The following TRIM27 variants were observed in gnomAD, a reference collection of about 807,000 sequenced individuals.
TRIM27 encodes tripartite motif containing 27, also known as zinc finger protein RFP.
A neutral mutation model predicts 57.6 loss-of-function variants in TRIM27; 12 were observed. The observed-to-expected ratio is 0.21, with a 90% CI of 0.13 to 0.34. The LOEUF (loss-of-function observed/expected upper bound fraction) is 0.34, where lower values mean the gene tolerates loss of function less well. Among genes scored for constraint, TRIM27 ranks in the 10% least tolerant of loss-of-function variants. TRIM27 has a pLI of 1.00. For missense variants in TRIM27, 403 were observed against 656.8 expected (o/e 0.61, Z 4.22); for synonymous variants, 266 against 259.0 (o/e 1.03, Z -0.26).
chr6:28,908,642 G>C, intron 6 of TRIM27, 166 bp downstream of exon 6: 1 of 604,270 alleles, frequency 1.7e-6, no homozygotes, highest in Non-Finnish European at 2.9e-6. Context: ...ATTAGAACAA[G>C]AAGCTGTTAA....
At chr6:28,919,467 A>T (rs967449792) in intron 3 of TRIM27, among the ~76,000 whole-genome samples, 3 of 152,240 alleles carry the variant, frequency 2.0e-5, no homozygotes, top group Non-Finnish European at 4.4e-5. Flanking sequence ...CTGAATGAGC[A>T]AACGACAGAC....
chr6:28,907,900 C>A, intron 6 of TRIM27: 1 of 256,340 alleles, frequency 3.9e-6, no homozygotes, highest in Admixed American at 4.8e-5. Context: ...CTAGATGCCC[C>A]AAAAAGTATA....
In TRIM27 at chr6:28,923,842, G is replaced by C; in HGVS notation, c.-210C>G. On this transcript the variant is annotated 5_prime_UTR_variant, in exon 1 of 8. Transcript: ENST00000377199. ...GCCTGCGCCTGTGCCCCCTAAGCGAGAGCGGGAATACGGCCGGCTCACCGA... is the reference window on the plus strand; with the variant it reads ...GCCTGCGCCTGTGCCCCCTAAGCGACAGCGGGAATACGGCCGGCTCACCGA... The C allele has an allele frequency of 1.8e-6, 1 of 546,140 alleles. No individual in the cohort carries two copies. Among genetic ancestry groups the C allele is most frequent in the Non-Finnish European group, 3.1e-6 (1 of 320,876 alleles). The allele number at this position is 546,140 out of a possible 1,614,324, so 33.8% of individuals were successfully genotyped here.
At position 28,921,932 on chromosome 6, in the gene TRIM27, C is replaced by T; in HGVS notation, c.476G>A (p.Arg159Lys). 6.2e-7 allele frequency: 1 copy of T among 1,613,096 alleles called. No homozygotes were observed. Among genetic ancestry groups the T allele is most frequent in the Non-Finnish European group, 8.5e-7 (1 of 1,180,036 alleles). Residue 159 changes from arginine to lysine, a missense_variant, in exon 2 of 8, where the codon AGA becomes AAA. Coordinates refer to ENST00000377199, the MANE Select transcript of TRIM27 (RefSeq NM_006510.5). ...TGCCTGTTCCCCCTGGGCCCGACGT[C>T]TCTTCTTTAAATCTTTCACTCTTTT... ...HLKRVKDLKK[R>K]RRAQGEQARA...
At chr6:28,912,764 T>G (rs1041785190) in intron 3 of TRIM27, among the ~76,000 whole-genome samples, 1 of 152,226 alleles carries the variant, frequency 6.6e-6, no homozygotes, top group Non-Finnish European at 1.5e-5. Context: ...AATAGTTATA[T>G]CTTCAAAGTA....
chr6:28,904,127 T>C lies in TRIM27; in HGVS notation c.1485A>G (p.Ile495Met), dbSNP rs141782592. The change falls in exon 8 of 8, where the codon ATA (isoleucine) becomes ATG (methionine). Residue 495 changes from isoleucine (I) to methionine (M), a missense_variant. Coordinates refer to ENST00000377199, the MANE Select transcript of TRIM27 (RefSeq NM_006510.5). The surrounding 1 kb of genome is among the most constrained non-coding windows in gnomAD (Gnocchi z 6.1). Reference protein sequence around the residue: ...APLIICPMSGIDGFSGHVGNH... With the variant: ...APLIICPMSGMDGFSGHVGNH... Reference sequence around the variant, plus strand: ...TCCCAACATGGCCAGAAAACCCATCTATCCCACTCATGGGGCAGATGATCA... The same window carrying C: ...TCCCAACATGGCCAGAAAACCCATCCATCCCACTCATGGGGCAGATGATCA... 6.2e-6 allele frequency: 10 copies of C among 1,612,956 alleles called. No individual in the cohort carries two copies. Among genetic ancestry groups the C allele is most frequent in the Non-Finnish European group, 8.5e-6 (10 of 1,180,034 alleles).
intron 1 of TRIM27, among the ~76,000 whole-genome samples, chr6:28,922,465 A>G (rs1255233542): frequency 6.6e-6 from 1 of 152,220 alleles, no homozygotes. Context: ...TGAAAGGTCC[A>G]TAAATGTTAA....
intron 3 of TRIM27, among the ~76,000 whole-genome samples, chr6:28,916,523 G>A (rs1161407746): frequency 6.6e-6 from 1 of 151,324 alleles, no homozygotes; most frequent in Non-Finnish European, 1.5e-5. Flanking sequence ...TTACACTCCA[G>A]CCTGGGCAAC....
chr6:28,904,804 AC>A lies in TRIM27; in HGVS notation c.947-140del. 1.6e-6 allele frequency: 1 copy of A among 624,884 alleles called. No homozygotes were observed. The highest frequency in any genetic ancestry group is 2.7e-6 in the Non-Finnish European group (1 of 369,246). 38.7% of individuals were successfully genotyped at this position (624,884 alleles called of 1,614,324 possible). ...GTATTTTATTTAGAATATATTCTAAACTTCACATTTCAAAAATTACTGCTTG... is the reference window on the plus strand; with the variant it reads ...GTATTTTATTTAGAATATATTCTAAATTCACATTTCAAAAATTACTGCTTG... On this transcript the variant is annotated intron_variant, in intron 7 of 7. Coordinates refer to ENST00000377199, the MANE Select transcript of TRIM27 (RefSeq NM_006510.5). This position sits in a 1 kb window ranked among gnomAD's most constrained non-coding sequence, Gnocchi z 6.1.
Position 28,904,688 on chromosome 6 carries a change from G to C in TRIM27, c.947-23C>G. 3 of 1,572,672 alleles carry C rather than the reference G, an allele frequency of 1.9e-6. No individual in the cohort carries two copies. The highest frequency in any genetic ancestry group is 2.6e-6 in the Non-Finnish European group (3 of 1,162,870). ...CCACTGTAGAGACACAAGGAAGACA[G>C]TCAGCCGTGGGCCAGGAGAGCCTAT... On this transcript the variant is annotated intron_variant, in intron 7 of 7. Transcript: ENST00000377199. This position sits in a 1 kb window ranked among gnomAD's most constrained non-coding sequence, Gnocchi z 6.1.
chr6:28,919,967 A>AT (rs1562177886), intron 3 of TRIM27, 45 bp downstream of exon 3: 1 of 1,564,164 alleles, frequency 6.4e-7, no homozygotes, highest in Admixed American at 1.8e-5. Flanking sequence ...AGAAGGGACG[A>AT]TATTTTCAGT....
intron 7 of TRIM27, chr6:28,906,916 G>C (rs1424801766): frequency 3.6e-6 from 1 of 280,262 alleles, no homozygotes; most frequent in Non-Finnish European, 6.7e-6. Context: ...GTTTGACCCT[G>C]AAGCTGGGCG....
In TRIM27 at chr6:28,923,274, C is replaced by A; in HGVS notation, c.359G>T (p.Arg120Leu). Residue 120 changes from arginine to leucine, a missense_variant, in exon 1 of 8, where the codon CGC becomes CTC. By Grantham distance (102) the Arg-to-Leu change is moderately radical. Transcript: ENST00000377199. ...DQMPICVVCD[R>L]SREHRGHSVL... ...GCTGTGGCCGCGGTGCTCGCGGGAG[C>A]GGTCGCACACCACGCAGATGGGCAT... The A allele has an allele frequency of 1.2e-6, 2 of 1,609,576 alleles. No homozygotes were observed. Among genetic ancestry groups the A allele is most frequent in the Non-Finnish European group, 1.7e-6 (2 of 1,178,276 alleles).
At position 28,904,196 on chromosome 6, in the gene TRIM27, G is replaced by C. The variant is rs1772597398; in HGVS notation, c.1416C>G (p.Pro472=). 2 of 1,613,076 alleles carry C rather than the reference G, an allele frequency of 1.2e-6. No individual in the cohort carries two copies. Among genetic ancestry groups the C allele is most frequent in the Non-Finnish European group, 1.7e-6 (2 of 1,180,036 alleles). Residue 472 remains proline (P), a synonymous_variant, in exon 8 of 8, where the codon CCC becomes CCG. Transcript: ENST00000377199. This position sits in a 1 kb window ranked among gnomAD's most constrained non-coding sequence, Gnocchi z 6.1. ...CTCCCGAGTAACTCAGACTGAAGTA[G>C]GGCCGGACAGGCCCACAAAAGGTAG... is the stretch of plus-strand genomic sequence containing the variant. The part of the protein sequence containing the change: ...SHATFCGPVR[P]YFSLSYSGGK...
chr6:28,903,169 T>C lies in TRIM27; in HGVS notation c.*901A>G, dbSNP rs1772512785. 4.3e-6 allele frequency: 1 copy of C among 232,514 alleles called. No individual in the cohort carries two copies. The highest frequency in any genetic ancestry group is 8.5e-6 in the Non-Finnish European group (1 of 117,608). The allele number at this position is 232,514 out of a possible 1,614,324, so 14.4% of individuals were successfully genotyped here. A position where few individuals can be genotyped will look rare whatever the true frequency, so the allele number is the denominator to read the frequency against. The stretch of plus-strand genomic sequence containing the variant: ...GGGACGGAGCTGCCCCTTGATAGGA[T>C]GCACTTAAGCATGGTCAATTCCCCC... On this transcript the variant is annotated 3_prime_UTR_variant, in exon 8 of 8. Coordinates refer to ENST00000377199, the MANE Select transcript of TRIM27 (RefSeq NM_006510.5).
At chr6:28,909,483 CG>C (rs1446501952) in intron 4 of TRIM27, among the ~76,000 whole-genome samples, 5 of 152,206 alleles carry the variant, frequency 3.3e-5, no homozygotes, top group Non-Finnish European at 5.9e-5. Flanking sequence ...CTAGCGTACA[CG>C]GACAGTCTTT....
intron 3 of TRIM27, among the ~76,000 whole-genome samples, chr6:28,913,487 A>C (rs1773369510): frequency 6.6e-6 from 1 of 151,322 alleles, no homozygotes; most frequent in South Asian, 2.1e-4. Flanking sequence ...GTGTATACAT[A>C]CACACACACA....
rs141125242 is a variant in TRIM27 at position 28,918,996 on chromosome 6, T to G, written c.747+1016A>C. On this transcript the variant is annotated intron_variant, in intron 3 of 7. Coordinates refer to ENST00000377199, the MANE Select transcript of TRIM27 (RefSeq NM_006510.5). ...ACCCTTGCCCTATGCCATCATCCATTTTTATTTTTATTTTTTATTATTTAT... is the reference window on the plus strand; with the variant it reads ...ACCCTTGCCCTATGCCATCATCCATGTTTATTTTTATTTTTTATTATTTAT... Among the ~76,000 whole-genome samples the G allele has an allele frequency of 9.3e-3, 1,409 of 151,914 alleles. 17 individuals are homozygous for G. Among genetic ancestry groups the G allele is most frequent in the African/African-American group, 0.027 (1,101 of 41,454 alleles).
intron 4 of TRIM27, 151 bp downstream of exon 4, chr6:28,911,545 A>G (rs1459449393): frequency 1.3e-6 from 1 of 757,702 alleles, no homozygotes; most frequent in Non-Finnish European, 2.1e-6. Flanking sequence ...GGTTCATCTA[A>G]TTCTTTGTAT....
Sources: gnomAD v4.1 joint callset for allele counts (sites outside exome capture counted in the v4.1 genomes callset) on GRCh38, gnomAD v4.1.1 for gene constraint, Gnocchi (gnomAD v3.1) non-coding constraint, MANE v1.5 for transcripts, NCBI Gene and HGNC (gene_info 2026-07-23, HGNC 2026-07-21) for gene names.